Variants in CHRNA3 observed in about 807,000 individuals in gnomAD.
CHRNA3 encodes cholinergic receptor nicotinic alpha 3 subunit.
A neutral mutation model predicts 41.9 loss-of-function variants in CHRNA3; 34 were observed. The ratio of observed to expected loss-of-function variants is 0.81; its 90% confidence interval spans 0.62 to 1.08. The LOEUF (loss-of-function observed/expected upper bound fraction) is 1.08. Among genes scored for constraint, CHRNA3 ranks in the 50% least tolerant of loss-of-function variants. CHRNA3 has a pLI of 0.00. For synonymous variants in CHRNA3, 281 were observed against 265.2 expected (o/e 1.06, Z -0.58); for missense variants, 542 against 638.3 (o/e 0.85, Z 1.63).
chr15:78,601,767 T>C lies in CHRNA3; in HGVS notation c.875A>G (p.Glu292Gly). The C allele has an allele frequency of 6.2e-7, 1 of 1,614,078 alleles. No individual in the cohort carries two copies. The highest frequency in any genetic ancestry group is 8.5e-7 in the Non-Finnish European group (1 of 1,180,014). ...SLTVFLLVIT[E>G]TIPSTSLVIP... is the part of the protein sequence containing the mutation. The stretch of plus-strand genomic sequence containing the variant: ...GACCAGCGAGGTGGAAGGGATGGTC[T>C]CAGTGATCACCAGGAGAAACACCGT... Residue 292 changes from glutamate to glycine, a missense_variant, in exon 5 of 6, where the codon GAG becomes GGG. By Grantham distance (98) the Glu-to-Gly change is moderately conservative. Transcript: ENST00000326828.
chr15:78,617,092 A>G lies in CHRNA3; in HGVS notation c.309T>C (p.Tyr103=), dbSNP rs774502440. The G allele has an allele frequency of 2.5e-6, 4 of 1,613,716 alleles. No individual in the cohort carries two copies. Among genetic ancestry groups the G allele is most frequent in the East Asian group, 2.2e-5 (1 of 44,878 alleles). The change falls in exon 4 of 6, where the codon TAT becomes TAC. Residue 103 remains tyrosine (Y), a synonymous_variant. Coordinates refer to ENST00000326828, the MANE Select transcript of CHRNA3 (RefSeq NM_000743.5). ...DYKLKWNPSD[Y]GGAEFMRVPA... ...GGACACGCATGAACTCTGCCCCACC[A>G]TAGTCAGAGGGGTTCCATTTCAGCT...
At position 78,618,798 on chromosome 15, in the gene CHRNA3, G is replaced by A. The variant is rs1347295435; in HGVS notation, c.200C>T (p.Ser67Phe). The A allele has an allele frequency of 6.2e-7, 1 of 1,614,120 alleles. No homozygotes were observed. The highest frequency in any genetic ancestry group is 1.7e-5 in the Admixed American group (1 of 60,032). Reference protein sequence around the residue: ...SDPVIIHFEVSMSQLVKVDEV... With the variant: ...SDPVIIHFEVFMSQLVKVDEV... ...CACCACCTTCACCAGCTGAGACATG[G>A]ACACCTCGAAATGGATGATGACTGG... Residue 67 changes from serine (S) to phenylalanine (F), a missense_variant, in exon 2 of 6, where the codon TCC (serine) becomes TTC (phenylalanine). Transcript: ENST00000326828.
intron 5 of CHRNA3, among the ~76,000 whole-genome samples, chr15:78,598,607 C>A (rs1295535392): frequency 3.3e-5 from 5 of 152,136 alleles, no homozygotes; most frequent in Non-Finnish European, 2.9e-5. Flanking sequence ...GTGGCATGAC[C>A]TCGCCTCACT....
chr15:78,601,379 T>G lies in CHRNA3; in HGVS notation c.1263A>C (p.Arg421Ser), dbSNP rs202038335. Residue 421 changes from arginine (R) to serine (S), a missense_variant, in exon 5 of 6, where the codon AGA becomes AGC. Coordinates refer to ENST00000326828, the MANE Select transcript of CHRNA3 (RefSeq NM_000743.5). ...KISNFSANLTRSSSSESVDAV... is the reference protein window; with the variant it reads ...KISNFSANLTSSSSSESVDAV... The stretch of plus-strand genomic sequence containing the variant: ...CATCAACAGATTCAGAACTAGAGCT[T>G]CTCGTGAGGTTAGCACTGAAATTGG... 7 of 1,614,144 alleles carry G rather than the reference T, an allele frequency of 4.3e-6. No individual in the cohort carries two copies. Among genetic ancestry groups the G allele is most frequent in the Non-Finnish European group, 5.1e-6 (6 of 1,180,032 alleles).
rs546515490 is a variant in CHRNA3 at position 78,613,957 on chromosome 15, A to G, written c.377+3067T>C. ...TGAGACTCCATCTCGGGGTGGGGGG[A>G]AAAAAAAGAAGAGAAATCCTTAACA... On this transcript the variant is annotated intron_variant, in intron 4 of 5. Coordinates refer to ENST00000326828, the MANE Select transcript of CHRNA3 (RefSeq NM_000743.5). Among the ~76,000 whole-genome samples the G allele has an allele frequency of 2.5e-3, 384 of 151,386 alleles. 1 individual carries two copies. The highest frequency in any genetic ancestry group is 3.8e-3 in the Non-Finnish European group (261 of 67,836).
intron 5 of CHRNA3, among the ~76,000 whole-genome samples, chr15:78,599,606 C>T (rs1222236742): frequency 6.6e-6 from 1 of 151,124 alleles, no homozygotes; most frequent in Non-Finnish European, 1.5e-5. Context: ...GAGAACTGAG[C>T]TGCCCATTGA....
Position 78,619,119 on chromosome 15 carries a change from A to G in CHRNA3, c.83-204T>C. On this transcript the variant is annotated intron_variant, in intron 1 of 5. Transcript: ENST00000326828. ...GAGGGGCAGGATTCTACCTGGCCAC[A>G]CGCATTCAGTGAGAAGCACAGTGGT... is the stretch of plus-strand genomic sequence containing the variant. 4.9e-6 allele frequency: 3 copies of G among 612,490 alleles called. No individual in the cohort carries two copies. The East Asian group carries it at 8.4e-5, about 17-fold the overall frequency. 37.9% of individuals were successfully genotyped at this position (612,490 alleles called of 1,614,324 possible).
Position 78,602,183 on chromosome 15 carries a change from G to A in CHRNA3, c.459C>T (p.Ala153=), listed in dbSNP as rs202207061. 2.5e-5 allele frequency: 41 copies of A among 1,613,976 alleles called. No homozygotes were observed. In the Admixed American group the frequency reaches 4.7e-4, roughly 18 times the overall value. Residue 153 remains alanine, a synonymous_variant, in exon 5 of 6, where the codon GCC becomes GCT. Coordinates refer to ENST00000326828, the MANE Select transcript of CHRNA3 (RefSeq NM_000743.5). ...CGATTTTACAGGAGCTCTTAAAGAT[G>A]GCCGGAGGTATCCAAGTCACCTCCC... ...YTGEVTWIPP[A]IFKSSCKIDV...
intron 4 of CHRNA3, among the ~76,000 whole-genome samples, chr15:78,605,646 T>C (rs577296409): frequency 6.6e-6 from 1 of 152,292 alleles, no homozygotes; most frequent in African/African-American, 2.4e-5. Context: ...GGTCAGTCAG[T>C]GCTGACGTGG....
intron 4 of CHRNA3, among the ~76,000 whole-genome samples, chr15:78,607,875 C>G (rs1308491092): frequency 1.3e-5 from 2 of 152,202 alleles, no homozygotes; most frequent in Non-Finnish European, 2.9e-5. Context: ...CACCCTAATA[C>G]TGCACTTTTC....
chr15:78,602,775 C>T (rs988935544), intron 4 of CHRNA3, among the ~76,000 whole-genome samples: 10 of 152,270 alleles, frequency 6.6e-5, no homozygotes, highest in East Asian at 5.8e-4. Context: ...CCCCATTAAA[C>T]GGAACCTTGT....
intron 5 of CHRNA3, 102 bp downstream of exon 5, chr15:78,601,151 G>A (rs910484440): frequency 1.6e-5 from 19 of 1,172,042 alleles, no homozygotes; most frequent in Non-Finnish European, 2.3e-5. Flanking sequence ...TGACTCCAGA[G>A]GGCAATTTCT....
In CHRNA3 at chr15:78,612,563, T is replaced by C. The variant is rs2053396415; in HGVS notation, c.377+4461A>G. ...CCTTCCTTACACCTTATACAAAAATTAATTCAAGATGGATTAAAGACTTAA... is the reference window on the plus strand; with the variant it reads ...CCTTCCTTACACCTTATACAAAAATCAATTCAAGATGGATTAAAGACTTAA... On this transcript the variant is annotated intron_variant, in intron 4 of 5. Transcript: ENST00000326828. Among the ~76,000 whole-genome samples, 3 of 112,618 alleles carry C rather than the reference T, an allele frequency of 2.7e-5. 1 individual carries two copies. The highest frequency in any genetic ancestry group is 2.7e-4 in the South Asian group (1 of 3,772). The allele number at this position is 112,618 out of a possible 152,430, so 73.9% of individuals were successfully genotyped here. A position where few individuals can be genotyped will look rare whatever the true frequency, so the allele number is the denominator to read the frequency against.
intron 4 of CHRNA3, among the ~76,000 whole-genome samples, chr15:78,609,598 C>A (rs560931074): frequency 1.3e-5 from 2 of 152,288 alleles, no homozygotes; most frequent in South Asian, 2.1e-4. Context: ...TGGAAAGGAA[C>A]AACTGGTACC....
intron 5 of CHRNA3, among the ~76,000 whole-genome samples, chr15:78,597,894 G>A (rs2053137901): frequency 6.6e-6 from 1 of 152,182 alleles, no homozygotes; most frequent in African/African-American, 2.4e-5. Context: ...TCACCATTGT[G>A]AGCCTGAGTA....
chr15:78,611,645 T>C (rs189218934), intron 4 of CHRNA3, among the ~76,000 whole-genome samples: 107,630 of 150,876 alleles, frequency 0.71, 39,165 homozygotes, highest in Non-Finnish European at 0.77. Flanking sequence ...GAAGCATTCC[T>C]TTTGAAAACG....
rs543695912 is a variant in CHRNA3, at chr15:78,616,598, G to A, written c.377+426C>T. ...CTTCCCCCTCCACACACTGGGGTTG[G>A]TCCTTGGCCCATGGATCTTTCCAGC... On this transcript the variant is annotated intron_variant, in intron 4 of 5. Transcript: ENST00000326828. Among the ~76,000 whole-genome samples the A allele has an allele frequency of 2.4e-4, 37 of 152,158 alleles. No individual in the cohort carries two copies. The South Asian group carries it at 6.0e-3, about 25-fold the overall frequency.
At chr15:78,605,873 G>A (rs916526023) in intron 4 of CHRNA3, among the ~76,000 whole-genome samples, 1 of 152,206 alleles carries the variant, frequency 6.6e-6, no homozygotes, top group Non-Finnish European at 1.5e-5. Flanking sequence ...GAGGTGTCAT[G>A]ACTGTGGAGA....
Position 78,601,733 on chromosome 15 carries a change from CAGG to C in CHRNA3, c.906_908del (p.Leu303del), listed in dbSNP as rs1323180555. The stretch of plus-strand genomic sequence containing the variant: ...TGGTGAACAGGAGGTACTCTCCAAT[CAGG>C]GGGATGACCAGCGAGGTGGAAGGGA... On this transcript the variant is annotated inframe_deletion, in exon 5 of 6. Transcript: ENST00000326828. 10 of 1,613,986 alleles carry C rather than the reference CAGG, an allele frequency of 6.2e-6. No individual in the cohort carries two copies. Among genetic ancestry groups the C allele is most frequent in the Non-Finnish European group, 8.5e-6 (10 of 1,180,012 alleles).
Sources: gnomAD v4.1 joint callset for allele counts (sites outside exome capture counted in the v4.1 genomes callset) on GRCh38, gnomAD v4.1.1 for gene constraint, MANE v1.5 for transcripts, NCBI Gene and HGNC (gene_info 2026-07-23, HGNC 2026-07-21) for gene names.